NRXN1: variants seen among roughly 807,000 people sequenced by gnomAD.
NRXN1 encodes neurexin-1.
In NRXN1, 39 loss-of-function variants were observed where a neutral mutation model predicts 150.9. The observed-to-expected ratio is 0.26, with a 90% CI of 0.20 to 0.34. The LOEUF (loss-of-function observed/expected upper bound fraction) is 0.34, where lower values mean the gene tolerates loss of function less well. Ranked by LOEUF, NRXN1 falls within the 10% of genes least tolerant of loss-of-function variation. NRXN1 has a pLI of 1.00. For missense variants in NRXN1, 1,815 were observed against 1,949.9 expected (o/e 0.93, Z 1.30); for synonymous variants, 924 against 757.0 (o/e 1.22, Z -3.62).
chr2:50,346,930 C>A lies in NRXN1; in HGVS notation c.3365-109960G>T. ...GGGCGAGCCCAGCTCGGCGCCGCAC[C>A]GGAGCATCCTCTGGTACATGGCGGG... On this transcript the variant is annotated intron_variant, in intron 17 of 22. Transcript: ENST00000401669. The surrounding 1 kb of genome is among the most constrained non-coding windows in gnomAD (Gnocchi z 5.0). 7.6e-7 allele frequency: 1 copy of A among 1,318,462 alleles called. No homozygotes were observed. Among genetic ancestry groups the A allele is most frequent in the Non-Finnish European group, 9.7e-7 (1 of 1,033,826 alleles). The allele number at this position is 1,318,462 out of a possible 1,614,324, so 81.7% of individuals were successfully genotyped here.
At chr2:50,501,643 T>TA (rs376104716) in intron 13 of NRXN1, among the ~76,000 whole-genome samples, 2,039 of 147,030 alleles carry the variant, frequency 0.014, 45 homozygotes, top group African/African-American at 0.045. Context: ...ACACACAGAT[T>TA]AAAAAAAAAA....
At chr2:50,462,534 T>C (rs1023025464) in intron 17 of NRXN1, among the ~76,000 whole-genome samples, 15 of 151,876 alleles carry the variant, frequency 9.9e-5, no homozygotes, top group African/African-American at 3.4e-4. Context: ...GGTATTGATA[T>C]GGAAGAAAAC....
At chr2:50,206,042 A>C (rs1263624818) in intron 18 of NRXN1, among the ~76,000 whole-genome samples, 1 of 152,118 alleles carries the variant, frequency 6.6e-6, no homozygotes, top group Non-Finnish European at 1.5e-5. Context: ...ATTAAATTGT[A>C]CACATTGAGT....
At chr2:50,598,979 C>T (rs1183459438) in intron 8 of NRXN1, among the ~76,000 whole-genome samples, 3 of 151,918 alleles carry the variant, frequency 2.0e-5, no homozygotes, top group Non-Finnish European at 2.9e-5. Flanking sequence ...ACCATGTTGG[C>T]CAGGCTGCTC....
chr2:50,341,959 T>C (rs2077577363), intron 17 of NRXN1, among the ~76,000 whole-genome samples: 1 of 152,210 alleles, frequency 6.6e-6, no homozygotes, highest in African/African-American at 2.4e-5. Context: ...TGAATTTGCC[T>C]CTTTAAGGAT....
chr2:50,983,261 C>T (rs1054536593), intron 2 of NRXN1, among the ~76,000 whole-genome samples: 4 of 152,042 alleles, frequency 2.6e-5, no homozygotes, highest in African/African-American at 9.7e-5. Flanking sequence ...TGGAAAGATA[C>T]TCTTTGCATT....
At chr2:50,280,596 G>C (rs149617825) in intron 17 of NRXN1, among the ~76,000 whole-genome samples, 4 of 152,144 alleles carry the variant, frequency 2.6e-5, no homozygotes, top group African/African-American at 9.7e-5. Context: ...AGTAACAAAG[G>C]CCTACCTTAA....
rs567113518 is a variant in NRXN1 at position 49,927,921 on chromosome 2, G to A, written c.4217-5670C>T. 2.6e-5 allele frequency among the ~76,000 whole-genome samples: 4 copies of A among 152,084 alleles called. No individual in the cohort carries two copies. In the East Asian group the frequency reaches 7.7e-4, roughly 29 times the overall value. On this transcript the variant is annotated intron_variant, in intron 22 of 22. Transcript: ENST00000401669. ...TTTCAAGGTAAGTTTGTAGTTTCTAGGTAATTTTTCGGGCTGGTTTTATTT... is the reference window on the plus strand; with the variant it reads ...TTTCAAGGTAAGTTTGTAGTTTCTAAGTAATTTTTCGGGCTGGTTTTATTT...
At chr2:50,337,083 CTTTTTTTTTT>C (rs768582035) in intron 17 of NRXN1, among the ~76,000 whole-genome samples, 1 of 133,084 alleles carries the variant, frequency 7.5e-6, no homozygotes, top group Non-Finnish European at 1.6e-5. Flanking sequence ...TTTTCTTTTT[CTTTTTTTTTT>C]TTTTTTTGAG....
chr2:50,371,478 T>A (rs1456406216), intron 17 of NRXN1, among the ~76,000 whole-genome samples: 2 of 152,090 alleles, frequency 1.3e-5, no homozygotes, highest in African/African-American at 4.8e-5. Flanking sequence ...GAAAGACCTA[T>A]ATACATTAAA....
intron 17 of NRXN1, among the ~76,000 whole-genome samples, chr2:50,302,916 TCCA>T (rs1402078392): frequency 1.1e-3 from 4 of 3,600 alleles, no homozygotes; most frequent in African/African-American, 2.4e-3. Flanking sequence ...TACCAGGCCA[TCCA>T]TCCATCCATC....
intron 5 of NRXN1, among the ~76,000 whole-genome samples, chr2:50,823,221 G>A (rs1368318144): frequency 6.6e-6 from 1 of 152,088 alleles, no homozygotes; most frequent in African/African-American, 2.4e-5. Flanking sequence ...ATATATTTTA[G>A]TTGCCAATTT....
chr2:50,683,646 A>AAAAAAAAAAAAAAAAAAAAAAATATAT, intron 5 of NRXN1, among the ~76,000 whole-genome samples: 1 of 14,904 alleles, frequency 6.7e-5, no homozygotes, highest in Non-Finnish European at 1.1e-4. Context: ...AAAAAAAAAA[A>AAAAAAAAAAAAAAAAAAAAAAATATAT]ATATATATAT....
At chr2:50,246,929 A>G (rs1022155596) in intron 17 of NRXN1, among the ~76,000 whole-genome samples, 8 of 152,122 alleles carry the variant, frequency 5.3e-5, no homozygotes, top group Non-Finnish European at 1.2e-4. Flanking sequence ...CTTATAAAAA[A>G]TTATGTGCTT....
intron 2 of NRXN1, among the ~76,000 whole-genome samples, chr2:50,994,622 T>G (rs1575158559): frequency 6.6e-6 from 1 of 152,140 alleles, no homozygotes; most frequent in South Asian, 2.1e-4. Flanking sequence ...TTAAATGCAG[T>G]TCACTACCAG....
chr2:50,187,718 T>A (rs1376294914), intron 18 of NRXN1, among the ~76,000 whole-genome samples: 1 of 152,112 alleles, frequency 6.6e-6, no homozygotes, highest in Non-Finnish European at 1.5e-5. Context: ...ATTCTTCTTA[T>A]CCATGAGCAT....
At position 50,802,500 on chromosome 2, in the gene NRXN1, T is replaced by TGAAAGGAAGGAAGGAAGGAA. The variant is rs1254451543; in HGVS notation, c.832+119368_832+119369insTTCCTTCCTTCCTTCCTTTC. The stretch of plus-strand genomic sequence containing the variant: ...AGAGTGAATCTCTGAGAAAGAGAAA[T>TGAAAGGAAGGAAGGAAGGAA]GGAAGGAAGGAAGGAAGGAAGGAAG... On this transcript the variant is annotated intron_variant, in intron 5 of 22. Coordinates refer to ENST00000401669, the MANE Select transcript of NRXN1 (RefSeq NM_001330078.2). Among the ~76,000 whole-genome samples, 45 of 88,368 alleles carry TGAAAGGAAGGAAGGAAGGAA rather than the reference T, an allele frequency of 5.1e-4. 3 individuals carry two copies. Among genetic ancestry groups the TGAAAGGAAGGAAGGAAGGAA allele is most frequent in the Middle Eastern group, 7.0e-3 (1 of 142 alleles). 58.0% of individuals were successfully genotyped at this position (88,368 alleles called of 152,430 possible).
intron 5 of NRXN1, among the ~76,000 whole-genome samples, chr2:50,879,301 C>T (rs1308050480): frequency 6.6e-6 from 1 of 151,870 alleles, no homozygotes; most frequent in Non-Finnish European, 1.5e-5. Flanking sequence ...ACTTGCCAGG[C>T]CCTACATGAG....
At chr2:49,998,520 T>C (rs78353691) in intron 21 of NRXN1, among the ~76,000 whole-genome samples, 8 of 152,204 alleles carry the variant, frequency 5.3e-5, no homozygotes, top group Admixed American at 2.0e-4. Flanking sequence ...AGTATTTTTT[T>C]GCTACCCAAA....
Sources: gnomAD v4.1 joint callset for allele counts (sites outside exome capture counted in the v4.1 genomes callset) on GRCh38, gnomAD v4.1.1 for gene constraint, Gnocchi (gnomAD v3.1) non-coding constraint, MANE v1.5 for transcripts, NCBI Gene and HGNC (gene_info 2026-07-23, HGNC 2026-07-21) for gene names.